The following NR3C1 variants were observed in gnomAD, a reference collection of about 807,000 sequenced individuals.
NR3C1 encodes the protein glucocorticoid receptor.
Under a neutral mutation model 74.0 loss-of-function variants are expected in NR3C1, and 14 were observed. That is an observed-to-expected ratio of 0.19 (90% confidence interval 0.12 to 0.30). The LOEUF (loss-of-function observed/expected upper bound fraction) is 0.30. NR3C1 is among the 10% of genes least tolerant of loss of function. The pLI, the probability that NR3C1 is intolerant of heterozygous loss-of-function variation, is 1.00. For synonymous variants in NR3C1, 308 were observed against 332.5 expected (o/e 0.93, Z 0.80); for missense variants, 695 against 909.8 (o/e 0.76, Z 3.04).
At chr5:143,319,545 A>T (rs557235098) in intron 2 of NR3C1, among the ~76,000 whole-genome samples, 1 of 152,300 alleles carries the variant, frequency 6.6e-6, no homozygotes, top group East Asian at 1.9e-4. Flanking sequence ...TTTTGTCCAA[A>T]CACCGTAACA....
At chr5:143,333,703 G>A (rs373968275) in intron 2 of NR3C1, among the ~76,000 whole-genome samples, 9 of 152,108 alleles carry the variant, frequency 5.9e-5, no homozygotes, top group South Asian at 2.1e-4. Context: ...AGGAGGCAGA[G>A]ACTGCAGTGA....
chr5:143,359,493 G>GC (rs931812677), intron 2 of NR3C1, among the ~76,000 whole-genome samples: 7 of 152,120 alleles, frequency 4.6e-5, no homozygotes, highest in African/African-American at 7.2e-5. Flanking sequence ...CAGTCCTTCT[G>GC]CCACTCATGA....
chr5:143,335,341 C>T (rs1600076751), intron 2 of NR3C1, among the ~76,000 whole-genome samples: 1 of 152,326 alleles, frequency 6.6e-6, no homozygotes, highest in East Asian at 1.9e-4. Flanking sequence ...CCGTAGTCTA[C>T]TCTAAGATTA....
upstream of NR3C1, chr5:143,404,358 G>T: frequency 1.0e-6 from 1 of 985,280 alleles, no homozygotes; most frequent in Non-Finnish European, 1.2e-6. Context: ...GGGATAGCGG[G>T]GGTCGGCGCA....
At chr5:143,366,587 GAGA>G (rs905934082) in intron 2 of NR3C1, among the ~76,000 whole-genome samples, 1 of 149,850 alleles carries the variant, frequency 6.7e-6, no homozygotes, top group Non-Finnish European at 1.5e-5. Context: ...AAAAAAAGGA[GAGA>G]AGACTCTTAA....
intron 1 of NR3C1, among the ~76,000 whole-genome samples, chr5:143,413,134 G>A (rs957028200): frequency 2.6e-5 from 4 of 152,102 alleles, no homozygotes; most frequent in South Asian, 2.1e-4. Context: ...AGACAGATAC[G>A]GTTACAAGTC....
intron 7 of NR3C1, 110 bp from the exon 8 acceptor site, chr5:143,282,835 A>G (rs1813438126): frequency 2.5e-6 from 3 of 1,218,028 alleles, no homozygotes; most frequent in Admixed American, 2.2e-5. Context: ...GCTGGAGTGC[A>G]GTGGCATAAT....
intron 2 of NR3C1, among the ~76,000 whole-genome samples, chr5:143,396,467 T>C (rs996570664): frequency 6.6e-5 from 10 of 151,728 alleles, no homozygotes; most frequent in African/African-American, 1.7e-4. Flanking sequence ...AAAGTATCCA[T>C]GGGGGTGAGG....
chr5:143,427,264 T>A (rs947306489), intron 1 of NR3C1, among the ~76,000 whole-genome samples: 12 of 152,050 alleles, frequency 7.9e-5, no homozygotes, highest in Non-Finnish European at 2.9e-5. Flanking sequence ...GATAGCATAG[T>A]TTTTTAATAG....
At position 143,363,760 on chromosome 5, in the gene NR3C1, C is replaced by A. The variant is rs148493797; in HGVS notation, c.1184+35896G>T. 1.0e-3 allele frequency among the ~76,000 whole-genome samples: 155 copies of A among 151,984 alleles called. 3 individuals are homozygous for A. The East Asian group carries it at 0.022, about 22-fold the overall frequency. On this transcript the variant is annotated intron_variant, in intron 2 of 8. Transcript: ENST00000394464. ...AGTAGAATAACTGAAATGAAAAATT[C>A]TCTAGAAAAAAATTCATCTCACAGA...
intron 1 of NR3C1, among the ~76,000 whole-genome samples, chr5:143,434,267 C>T (rs1033647104): frequency 2.0e-5 from 3 of 152,130 alleles, no homozygotes; most frequent in African/African-American, 7.2e-5. Context: ...TGTTTTGTTC[C>T]CTGCTGTATC....
intron 2 of NR3C1, among the ~76,000 whole-genome samples, chr5:143,316,730 T>C (rs956723908): frequency 1.3e-5 from 2 of 152,216 alleles, no homozygotes; most frequent in Non-Finnish European, 2.9e-5. Context: ...AGGTAACACA[T>C]AGAAAATCTA....
At position 143,338,467 on chromosome 5, in the gene NR3C1, C is replaced by T. The variant is rs143521478; in HGVS notation, c.1185-24299G>A. The stretch of plus-strand genomic sequence containing the variant: ...TTTGTTATTGCCCCTGAAGGCCTTC[C>T]AGTGGGATAACATGTGAAGGTTGAA... On this transcript the variant is annotated intron_variant, in intron 2 of 8. Transcript: ENST00000394464. Among the ~76,000 whole-genome samples, 12 of 152,024 alleles carry T rather than the reference C, an allele frequency of 7.9e-5. No homozygotes were observed. In the East Asian group the frequency reaches 2.3e-3, roughly 29 times the overall value.
intron 4 of NR3C1, among the ~76,000 whole-genome samples, chr5:143,302,393 C>T (rs976190827): frequency 2.6e-5 from 4 of 152,008 alleles, no homozygotes; most frequent in African/African-American, 9.7e-5. Flanking sequence ...ACTCTTTAAA[C>T]AACCAGAAGT....
intron 2 of NR3C1, among the ~76,000 whole-genome samples, chr5:143,341,089 A>T (rs1828139839): frequency 6.6e-6 from 1 of 152,218 alleles, no homozygotes; most frequent in Non-Finnish European, 1.5e-5. Context: ...CAGAGGTTTG[A>T]TAAGCTGTTG....
At chr5:143,386,408 T>C (rs776009749) in intron 2 of NR3C1, among the ~76,000 whole-genome samples, 11 of 152,168 alleles carry the variant, frequency 7.2e-5, no homozygotes, top group African/African-American at 1.4e-4. Context: ...ATGAATAGAA[T>C]ATTGTCTATT....
intron 2 of NR3C1, among the ~76,000 whole-genome samples, chr5:143,327,745 C>A (rs1336439409): frequency 6.6e-6 from 1 of 152,278 alleles, no homozygotes; most frequent in Non-Finnish European, 1.5e-5. Flanking sequence ...TCTCCTTTGA[C>A]TCCATGTCTC....
At chr5:143,343,483 G>T (rs1305003170) in intron 2 of NR3C1, among the ~76,000 whole-genome samples, 1 of 152,196 alleles carries the variant, frequency 6.6e-6, no homozygotes, top group Non-Finnish European at 1.5e-5. Flanking sequence ...TTAACACTAT[G>T]TGTGAGGTAG....
chr5:143,337,248 T>A (rs1827325703), intron 2 of NR3C1, among the ~76,000 whole-genome samples: 1 of 152,114 alleles, frequency 6.6e-6, no homozygotes, highest in African/African-American at 2.4e-5. Flanking sequence ...CCAATAAACA[T>A]ATGAAAAGTT....
Sources: gnomAD v4.1 joint callset for allele counts (sites outside exome capture counted in the v4.1 genomes callset) on GRCh38, gnomAD v4.1.1 for gene constraint, MANE v1.5 for transcripts, NCBI Gene and HGNC (gene_info 2026-07-23, HGNC 2026-07-21) for gene names.